SFXN1: variants seen among roughly 807,000 people sequenced by gnomAD.
SFXN1 encodes the protein sideroflexin-1.
SFXN1 carries 32 observed loss-of-function variants against 39.5 expected under a neutral mutation model. The ratio of observed to expected loss-of-function variants is 0.81; its 90% CI spans 0.61 to 1.09. The LOEUF (loss-of-function observed/expected upper bound fraction) is 1.09. Among genes scored for constraint, SFXN1 ranks in the 50% least tolerant of loss-of-function variants. The probability of loss-of-function intolerance (pLI) is 0.00; values close to 1 mark genes in which losing one functional copy is unlikely to be tolerated. For synonymous variants in SFXN1, 136 were observed against 146.5 expected (o/e 0.93, Z 0.52); for missense variants, 402 against 407.1 (o/e 0.99, Z 0.11).
At chr5:175,500,639 T>C (rs1460153306) in intron 2 of SFXN1, among the ~76,000 whole-genome samples, 1 of 152,254 alleles carries the variant, frequency 6.6e-6, no homozygotes. Flanking sequence ...CTAACGTTTA[T>C]GTGGAAATAC....
Position 175,516,137 on chromosome 5 carries a change from C to T in SFXN1, c.725-477C>T, listed in dbSNP as rs539557387. Reference sequence around the variant, plus strand: ...GCTTCATTCACTTGCCCACTGCCCTCCTCCTGCTGGGCAGCCCTATTCCTA... The same window carrying T: ...GCTTCATTCACTTGCCCACTGCCCTTCTCCTGCTGGGCAGCCCTATTCCTA... On this transcript the variant is annotated intron_variant, in intron 7 of 10. Transcript: ENST00000321442. Among the ~76,000 whole-genome samples the T allele has an allele frequency of 3.9e-5, 6 of 152,284 alleles. No homozygotes were observed. In the East Asian group the frequency reaches 1.2e-3, roughly 29 times the overall value.
At chr5:175,506,418 AG>A (rs1419260604) in intron 2 of SFXN1, among the ~76,000 whole-genome samples, 4 of 152,236 alleles carry the variant, frequency 2.6e-5, no homozygotes, top group Non-Finnish European at 5.9e-5. Context: ...TAGAGAAAAA[AG>A]ATAGAAGACA....
chr5:175,526,124 GTTT>G (rs35414343), intron 10 of SFXN1, among the ~76,000 whole-genome samples: 3 of 127,650 alleles, frequency 2.4e-5, no homozygotes, highest in African/African-American at 5.8e-5. Flanking sequence ...AAATGTTTTG[GTTT>G]TTTTTTTTTT....
At chr5:175,525,494 C>A (rs1311150382) in intron 10 of SFXN1, among the ~76,000 whole-genome samples, 1 of 152,014 alleles carries the variant, frequency 6.6e-6, no homozygotes, top group Non-Finnish European at 1.5e-5. Flanking sequence ...GATTTTTTTT[C>A]CTACCTTTTT....
intron 1 of SFXN1, among the ~76,000 whole-genome samples, chr5:175,486,198 C>G (rs1050674591): frequency 6.6e-6 from 1 of 152,056 alleles, no homozygotes; most frequent in Non-Finnish European, 1.5e-5. Context: ...GGGGGGGCCT[C>G]CAAGATATCA....
chr5:175,524,197 T>G (rs950962772), intron 10 of SFXN1: 3 of 142,234 alleles, frequency 2.1e-5, no homozygotes, highest in Non-Finnish European at 4.5e-5. Context: ...TCTTATAGGC[T>G]CCTCCCAACC....
chr5:175,527,449 C>T lies in SFXN1; in HGVS notation c.*715C>T, dbSNP rs760958313. 2.6e-5 allele frequency: 4 copies of T among 152,100 alleles called. No homozygotes were observed. Among genetic ancestry groups the T allele is most frequent in the African/African-American group, 9.7e-5 (4 of 41,420 alleles). 9.4% of individuals were successfully genotyped at this position (152,100 alleles called of 1,614,324 possible). A position where few individuals can be genotyped will look rare whatever the true frequency, so the allele number is the denominator to read the frequency against. ...GTTCTTATAAAGATGATAATCTTAC[C>T]TTGCAGTTATTGACTTTATATTCAA... On this transcript the variant is annotated 3_prime_UTR_variant, in exon 11 of 11. Coordinates refer to ENST00000321442, the MANE Select transcript of SFXN1 (RefSeq NM_022754.7).
chr5:175,486,875 A>G (rs1054444867), intron 1 of SFXN1, among the ~76,000 whole-genome samples: 1 of 152,156 alleles, frequency 6.6e-6, no homozygotes, highest in Admixed American at 6.5e-5. Flanking sequence ...CAAATTAGGG[A>G]TAGTTTGTTA....
At chr5:175,512,070 G>A (rs989871065) in intron 5 of SFXN1, 41 bp from the exon 6 acceptor site, 1 of 1,565,878 alleles carries the variant, frequency 6.4e-7, no homozygotes, top group Non-Finnish European at 8.8e-7. Context: ...TACTAGTACA[G>A]GAAAAATAAG....
chr5:175,508,429 C>T (rs1032400330), intron 2 of SFXN1, among the ~76,000 whole-genome samples: 1 of 151,610 alleles, frequency 6.6e-6, no homozygotes, highest in Non-Finnish European at 1.5e-5. Flanking sequence ...GAGACAGAGT[C>T]TCACCATGTT....
chr5:175,524,407 C>T (rs946780334), intron 10 of SFXN1, among the ~76,000 whole-genome samples: 14 of 151,106 alleles, frequency 9.3e-5, no homozygotes, highest in Non-Finnish European at 2.1e-4. Context: ...ATTGTGTGTA[C>T]CTATAGTCCA....
At chr5:175,507,169 T>A (rs1038380678) in intron 2 of SFXN1, among the ~76,000 whole-genome samples, 4 of 152,142 alleles carry the variant, frequency 2.6e-5, no homozygotes, top group Non-Finnish European at 5.9e-5. Context: ...GCCTCCTTCA[T>A]TACTTGGCCT....
At chr5:175,480,069 TTCTC>T (rs1759173445) in intron 1 of SFXN1, among the ~76,000 whole-genome samples, 1 of 152,184 alleles carries the variant, frequency 6.6e-6, no homozygotes, top group Admixed American at 6.5e-5. Flanking sequence ...AGCAGATCCT[TTCTC>T]TCCTCAGCAC....
rs189288748 is a variant in SFXN1, at chr5:175,526,743, G to C, written c.*9G>C. ...TCAATAAGGGATTGTAAAGCAGGGA[G>C]GAAACCTCTGCAGCTCATTCTGCCA... On this transcript the variant is annotated 3_prime_UTR_variant, in exon 11 of 11. Transcript: ENST00000321442. The C allele has an allele frequency of 5.2e-4, 841 of 1,605,226 alleles. 1 individual carries two copies. The highest frequency in any genetic ancestry group is 6.5e-4 in the Non-Finnish European group (759 of 1,172,018).
chr5:175,524,118 AAAAAAAAATATATATATATAT>A lies in SFXN1; in HGVS notation c.872+1698_872+1718del, dbSNP rs1187311722. ...GATTCTGTCTCAAAAAAAAAAAAAA[AAAAAAAAATATATATATATAT>A]ATATATATATATATATATATATATA... On this transcript the variant is annotated intron_variant, in intron 10 of 10. Transcript: ENST00000321442. 25 of 66,570 alleles carry A rather than the reference AAAAAAAAATATATATATATAT, an allele frequency of 3.8e-4. No homozygotes were observed. In the East Asian group the frequency reaches 4.2e-3, roughly 11 times the overall value. 4.1% of individuals were successfully genotyped at this position (66,570 alleles called of 1,614,324 possible).
chr5:175,508,080 A>G (rs113284945), intron 2 of SFXN1, among the ~76,000 whole-genome samples: 4,877 of 152,174 alleles, frequency 0.032, 133 homozygotes, highest in Non-Finnish European at 0.046. Context: ...TGTTTAAAGT[A>G]TTTTAGAGTT....
chr5:175,489,455 G>A (rs115325512), intron 1 of SFXN1, among the ~76,000 whole-genome samples: 1,908 of 152,296 alleles, frequency 0.013, 40 homozygotes, highest in African/African-American at 0.043. Context: ...CTCTGTAGAC[G>A]AGTCTGAAGA....
intron 8 of SFXN1, among the ~76,000 whole-genome samples, chr5:175,520,577 G>A (rs1315905569): frequency 6.6e-6 from 1 of 152,192 alleles, no homozygotes; most frequent in Non-Finnish European, 1.5e-5. Flanking sequence ...CAGTCAGCAC[G>A]TAGTTTGCAC....
At chr5:175,500,344 A>G (rs1356606471) in intron 2 of SFXN1, among the ~76,000 whole-genome samples, 1 of 151,672 alleles carries the variant, frequency 6.6e-6, no homozygotes, top group Non-Finnish European at 1.5e-5. Context: ...TTCAGTAGCA[A>G]CAAAAATATT....
Sources: gnomAD v4.1 joint callset for allele counts (sites outside exome capture counted in the v4.1 genomes callset) on GRCh38, gnomAD v4.1.1 for gene constraint, MANE v1.5 for transcripts, NCBI Gene and HGNC (gene_info 2026-07-23, HGNC 2026-07-21) for gene names.